RNF217: variants seen among roughly 807,000 people sequenced by gnomAD.
The protein encoded by RNF217 is E3 ubiquitin-protein ligase RNF217.
In RNF217, 31 loss-of-function variants were observed where a neutral mutation model predicts 57.8. The ratio of observed to expected loss-of-function variants is 0.54; its 90% CI spans 0.40 to 0.72. The LOEUF is 0.72. RNF217 is among the 30% of genes least tolerant of loss of function. RNF217 has a pLI of 0.00. For synonymous variants in RNF217, 313 were observed against 294.0 expected (o/e 1.06, Z -0.66); for missense variants, 696 against 708.3 (o/e 0.98, Z 0.20).
rs1243082466 is a variant in RNF217, at chr6:125,076,800, A to G, written c.1425A>G (p.Lys475=). The change falls in exon 4 of 6, where the codon AAA becomes AAG. Residue 475 remains lysine, a synonymous_variant. Coordinates refer to ENST00000521654, the MANE Select transcript of RNF217 (RefSeq NM_001286398.3). ...CAAACCTCAGTATATTTGGATGCAA[A>G]TATCGCTACCTCCCAGAGAGACCTC... The part of the protein sequence containing the change: ...HTSNLSIFGC[K]YRYLPERPHL... The G allele has an allele frequency of 1.2e-6, 2 of 1,613,642 alleles. No individual in the cohort carries two copies. The highest frequency in any genetic ancestry group is 1.1e-5 in the South Asian group (1 of 91,078).
Position 125,035,086 on chromosome 6 carries a change from G to A in RNF217, c.883-10125G>A, listed in dbSNP as rs530330430. 4.3e-3 allele frequency among the ~76,000 whole-genome samples: 650 copies of A among 152,220 alleles called. 1 individual carries two copies. The highest frequency in any genetic ancestry group is 0.015 in the African/African-American group (611 of 41,520). ...TTGCTGAAGTTGCTTATCAGCTTAA[G>A]GAGATTTTGGGCAGAGACAATGGGG... On this transcript the variant is annotated intron_variant, in intron 1 of 5. Coordinates refer to ENST00000521654, the MANE Select transcript of RNF217 (RefSeq NM_001286398.3).
At chr6:124,991,436 TC>T (rs920017875) in intron 1 of RNF217, among the ~76,000 whole-genome samples, 2 of 152,074 alleles carry the variant, frequency 1.3e-5, no homozygotes, top group African/African-American at 4.8e-5. Flanking sequence ...CCAACCCTCA[TC>T]CCCCCCATAC....
intron 1 of RNF217, among the ~76,000 whole-genome samples, chr6:125,044,101 C>T (rs1009351706): frequency 2.0e-5 from 3 of 151,726 alleles, no homozygotes; most frequent in African/African-American, 7.3e-5. Flanking sequence ...TTTTCTTTCC[C>T]CAAACTGCGT....
chr6:125,030,915 A>G (rs1322707800), intron 1 of RNF217, among the ~76,000 whole-genome samples: 1 of 152,144 alleles, frequency 6.6e-6, no homozygotes, highest in Non-Finnish European at 1.5e-5. Context: ...GAGGTTCTAC[A>G]TGAGGGCCCT....
At chr6:125,004,738 A>T (rs1027597980) in intron 1 of RNF217, among the ~76,000 whole-genome samples, 2 of 152,230 alleles carry the variant, frequency 1.3e-5, no homozygotes, top group African/African-American at 4.8e-5. Flanking sequence ...GACAAGAACC[A>T]CAGCTCGTGT....
At chr6:124,978,784 C>G (rs1784056044) in intron 1 of RNF217, among the ~76,000 whole-genome samples, 1 of 152,082 alleles carries the variant, frequency 6.6e-6, no homozygotes, top group East Asian at 1.9e-4. Context: ...GGCTGTTGTC[C>G]CCTGACCAAG....
intron 1 of RNF217, among the ~76,000 whole-genome samples, chr6:125,043,056 T>C (rs9491285): frequency 0.021 from 3,134 of 152,184 alleles, 106 homozygotes; most frequent in African/African-American, 0.071. Flanking sequence ...ACTCCTAAGA[T>C]GGCTTCATGC....
intron 1 of RNF217, among the ~76,000 whole-genome samples, chr6:124,983,053 G>A (rs1784233671): frequency 6.6e-6 from 1 of 152,160 alleles, no homozygotes. Context: ...TTAAGGAAAA[G>A]CTTTCTATAT....
At chr6:125,022,327 A>C (rs1785876876) in intron 1 of RNF217, among the ~76,000 whole-genome samples, 1 of 152,260 alleles carries the variant, frequency 6.6e-6, no homozygotes, top group African/African-American at 2.4e-5. Context: ...ATACAGTACG[A>C]ATTCAGTGAA....
intron 1 of RNF217, among the ~76,000 whole-genome samples, chr6:125,011,956 G>A (rs1381191006): frequency 6.6e-6 from 1 of 151,898 alleles, no homozygotes; most frequent in East Asian, 1.9e-4. Context: ...TCCCCACCAG[G>A]AGGGGCTGGC....
In RNF217 at chr6:125,029,514, C is replaced by T. The variant is rs532786751; in HGVS notation, c.883-15697C>T. On this transcript the variant is annotated intron_variant, in intron 1 of 5. Transcript: ENST00000521654. ...TTCGTAGAACTGGGTGGATGGTGCA[C>T]AAAGATACTTTGTTTTGGCATGAAA... Among the ~76,000 whole-genome samples, 5 of 152,240 alleles carry T rather than the reference C, an allele frequency of 3.3e-5. No homozygotes were observed. In the South Asian group the frequency reaches 1.0e-3, roughly 32 times the overall value.
intron 3 of RNF217, among the ~76,000 whole-genome samples, chr6:125,075,849 A>G (rs1788345884): frequency 6.6e-6 from 1 of 152,122 alleles, no homozygotes; most frequent in Non-Finnish European, 1.5e-5. Context: ...CGCAAAGAGT[A>G]AAGTCTTGAT....
chr6:125,041,350 C>G (rs888102549), intron 1 of RNF217, among the ~76,000 whole-genome samples: 2 of 152,092 alleles, frequency 1.3e-5, no homozygotes, highest in African/African-American at 2.4e-5. Flanking sequence ...TTCTCCCAAC[C>G]TTCACTTTTA....
intron 1 of RNF217, among the ~76,000 whole-genome samples, chr6:124,968,300 ATATT>A (rs1783627526): frequency 6.6e-6 from 1 of 152,026 alleles, no homozygotes; most frequent in African/African-American, 2.4e-5. Context: ...GAATTAAGGC[ATATT>A]TAAACTTATC....
chr6:125,037,837 A>G (rs1786704362), intron 1 of RNF217, among the ~76,000 whole-genome samples: 1 of 152,208 alleles, frequency 6.6e-6, no homozygotes, highest in East Asian at 1.9e-4. Context: ...CAGAGGAAAT[A>G]TGAAATTCCC....
At chr6:125,027,367 T>C (rs1381452623) in intron 1 of RNF217, among the ~76,000 whole-genome samples, 1 of 152,178 alleles carries the variant, frequency 6.6e-6, no homozygotes, top group Non-Finnish European at 1.5e-5. Context: ...GTTCAATTGA[T>C]GTGATTTTTA....
intron 1 of RNF217, among the ~76,000 whole-genome samples, chr6:124,995,256 C>G (rs1784707016): frequency 6.6e-6 from 1 of 151,906 alleles, no homozygotes; most frequent in African/African-American, 2.4e-5. Context: ...GTTTTAAAAA[C>G]AATAATAAAA....
At chr6:125,045,970 A>T (rs983646027) in intron 2 of RNF217, among the ~76,000 whole-genome samples, 2 of 152,096 alleles carry the variant, frequency 1.3e-5, no homozygotes, top group Non-Finnish European at 2.9e-5. Context: ...TGGGAGAGAC[A>T]TGTGTTCTAA....
intron 3 of RNF217, among the ~76,000 whole-genome samples, chr6:125,072,340 G>A (rs573556157): frequency 6.6e-6 from 1 of 152,174 alleles, no homozygotes; most frequent in South Asian, 2.1e-4. Context: ...CCGTGATTAT[G>A]TGTATAAAAT....
Sources: gnomAD v4.1 joint callset for allele counts (sites outside exome capture counted in the v4.1 genomes callset) on GRCh38, gnomAD v4.1.1 for gene constraint, MANE v1.5 for transcripts, NCBI Gene and HGNC (gene_info 2026-07-23, HGNC 2026-07-21) for gene names.